The following LINGO2 variants were observed in gnomAD, a reference collection of about 807,000 sequenced individuals.
The protein encoded by LINGO2 is leucine rich repeat and Ig domain containing 2.
LINGO2 carries 14 observed loss-of-function variants against 30.6 expected under a neutral mutation model. That is an observed-to-expected ratio of 0.46 (90% CI 0.30 to 0.72). LINGO2 has a LOEUF of 0.72. Among genes scored for constraint, LINGO2 ranks in the 30% least tolerant of loss-of-function variants. The probability of loss-of-function intolerance (pLI) is 0.07; values close to 1 mark genes in which losing one functional copy is unlikely to be tolerated. For synonymous variants in LINGO2, 317 were observed against 288.5 expected, an observed-to-expected ratio of 1.10 and a Z score of -1.00; for missense variants, 729 against 751.7, an observed-to-expected ratio of 0.97 and a Z score of 0.35.
At chr9:28,942,798 T>G in the LINGO2 span, among the ~76,000 whole-genome samples, 5 of 152,110 alleles carry the variant, frequency 3.3e-5, no homozygotes, top group African/African-American at 1.2e-4. Context: ...AGTGAGCAAA[T>G]GGGGGGCTAC....
At chr9:28,895,512 G>C in the LINGO2 span, among the ~76,000 whole-genome samples, 1 of 152,074 alleles carries the variant, frequency 6.6e-6, no homozygotes, top group African/African-American at 2.4e-5. Context: ...TATAGCCAAG[G>C]ATAATCTCCA....
chr9:28,557,649 A>G (rs1425543568), intron 1 of LINGO2, among the ~76,000 whole-genome samples: 19 of 151,768 alleles, frequency 1.3e-4, no homozygotes, highest in Non-Finnish European at 1.5e-5. Flanking sequence ...ATTACTGGGT[A>G]TATACCCAAA....
At chr9:29,205,383 T>C in the LINGO2 span, among the ~76,000 whole-genome samples, 2 of 152,230 alleles carry the variant, frequency 1.3e-5, no homozygotes. Flanking sequence ...ATTCAATTTA[T>C]TTTCTAATGT....
At chr9:27,962,212 A>G (rs1819882934) in intron 5 of LINGO2, among the ~76,000 whole-genome samples, 2 of 151,494 alleles carry the variant, frequency 1.3e-5, no homozygotes, top group South Asian at 4.3e-4. Context: ...CGTTTTTTAT[A>G]GATTCCACTG....
At chr9:28,104,338 G>A (rs1826516720) in intron 4 of LINGO2, among the ~76,000 whole-genome samples, 1 of 126,880 alleles carries the variant, frequency 7.9e-6, no homozygotes, top group African/African-American at 2.9e-5. Flanking sequence ...ATGTATAAGT[G>A]TAACAGTTAT....
At chr9:28,117,782 G>GCA (rs1826971592) in intron 4 of LINGO2, among the ~76,000 whole-genome samples, 1 of 150,150 alleles carries the variant, frequency 6.7e-6, no homozygotes, top group African/African-American at 2.4e-5. Context: ...CGGACGGTGC[G>GCA]CACACACACT....
intron 4 of LINGO2, among the ~76,000 whole-genome samples, chr9:28,037,531 C>A (rs1461036686): frequency 2.6e-5 from 4 of 152,142 alleles, no homozygotes; most frequent in Non-Finnish European, 5.9e-5. Flanking sequence ...CTTTGCACTG[C>A]CTTGTCTCTT....
the LINGO2 span, among the ~76,000 whole-genome samples, chr9:28,749,544 C>G: frequency 6.6e-6 from 1 of 151,920 alleles, no homozygotes; most frequent in Admixed American, 6.6e-5. Flanking sequence ...CTGAAAATAG[C>G]TTATTGGGTT....
chr9:29,206,907 G>T, the LINGO2 span, among the ~76,000 whole-genome samples: 1 of 151,900 alleles, frequency 6.6e-6, no homozygotes, highest in African/African-American at 2.4e-5. Context: ...ATCATTACCT[G>T]CAAATAAAAT....
intron 3 of LINGO2, among the ~76,000 whole-genome samples, chr9:28,351,998 T>C (rs951929173): frequency 1.3e-5 from 2 of 151,586 alleles, no homozygotes; most frequent in African/African-American, 4.9e-5. Context: ...CTGGGATGTA[T>C]TTCAAAATAA....
At chr9:29,187,393 T>C in the LINGO2 span, among the ~76,000 whole-genome samples, 1 of 152,204 alleles carries the variant, frequency 6.6e-6, no homozygotes, top group African/African-American at 2.4e-5. Flanking sequence ...AAAATCAAAA[T>C]CTAGAATGTT....
At chr9:29,025,129 A>G in the LINGO2 span, among the ~76,000 whole-genome samples, 2 of 152,050 alleles carry the variant, frequency 1.3e-5, no homozygotes, top group African/African-American at 2.4e-5. Context: ...CATCTGTGGG[A>G]ACTCAGCTTT....
the LINGO2 span, among the ~76,000 whole-genome samples, chr9:28,694,419 G>A: frequency 1.1e-4 from 17 of 151,906 alleles, no homozygotes; most frequent in African/African-American, 4.1e-4. Context: ...TTCTACATCT[G>A]TATTAACAAT....
chr9:28,377,075 A>T (rs1587571730), intron 2 of LINGO2, among the ~76,000 whole-genome samples: 1 of 151,284 alleles, frequency 6.6e-6, no homozygotes, highest in East Asian at 2.0e-4. Flanking sequence ...ACACACGTTG[A>T]TTTATAATAT....
chr9:28,555,778 A>G (rs1822636619), intron 1 of LINGO2, among the ~76,000 whole-genome samples: 1 of 152,078 alleles, frequency 6.6e-6, no homozygotes, highest in Admixed American at 6.6e-5. Flanking sequence ...ATCCAGCAGC[A>G]CATCAAAAAG....
At chr9:28,832,221 A>T in the LINGO2 span, among the ~76,000 whole-genome samples, 2 of 152,194 alleles carry the variant, frequency 1.3e-5, no homozygotes, top group Admixed American at 6.5e-5. Flanking sequence ...AAGGAAACCC[A>T]TTCTTATTAC....
intron 2 of LINGO2, among the ~76,000 whole-genome samples, chr9:28,474,524 C>A (rs1825650935): frequency 6.6e-6 from 1 of 152,072 alleles, no homozygotes; most frequent in Non-Finnish European, 1.5e-5. Flanking sequence ...CCAAATGTTT[C>A]CCCTAATTTT....
chr9:29,127,854 A>C, the LINGO2 span, among the ~76,000 whole-genome samples: 1 of 152,148 alleles, frequency 6.6e-6, no homozygotes, highest in African/African-American at 2.4e-5. Context: ...GCATGTGTTC[A>C]GGCGAATTAA....
the LINGO2 span, among the ~76,000 whole-genome samples, chr9:28,736,350 C>A: frequency 1.3e-5 from 2 of 152,162 alleles, no homozygotes; most frequent in Admixed American, 6.6e-5. Context: ...ATAATGTTAG[C>A]AGTATGTGCT....
Sources: allele counts gnomAD v4.1 joint callset (sites outside exome capture counted in the v4.1 genomes callset), GRCh38; gene constraint gnomAD v4.1.1; transcripts MANE v1.5; gene names NCBI Gene and HGNC (gene_info 2026-07-23, HGNC 2026-07-21).